Variants in ADAMTSL1 observed in about 807,000 individuals in gnomAD.
The protein encoded by ADAMTSL1 is ADAMTS like 1, also known as ADAMTS-like protein 1.
ADAMTSL1 carries 126 observed loss-of-function variants against 201.8 expected under a neutral mutation model. That is an observed-to-expected ratio of 0.62 (90% CI 0.54 to 0.72). The LOEUF is 0.72. Among genes scored for constraint, ADAMTSL1 ranks in the 30% least tolerant of loss-of-function variants. The pLI is 0.00. For synonymous variants in ADAMTSL1, 1,121 were observed against 903.4 expected (o/e 1.24, Z -4.32); for missense variants, 2,679 against 2,277.8 (o/e 1.18, Z -3.59).
At chr9:18,489,067 C>T (rs570624982) in intron 1 of ADAMTSL1, among the ~76,000 whole-genome samples, 2 of 151,870 alleles carry the variant, frequency 1.3e-5, no homozygotes, top group South Asian at 2.1e-4. Context: ...CAGCCTCCAT[C>T]CCCGCAAGAG....
intron 8 of ADAMTSL1, among the ~76,000 whole-genome samples, chr9:18,659,658 T>C (rs539161555): frequency 6.6e-6 from 1 of 152,206 alleles, no homozygotes; most frequent in Non-Finnish European, 1.5e-5. Context: ...TCCCAGCTAC[T>C]TGGGAGGCTG....
chr9:18,586,559 C>T (rs1823502314), intron 4 of ADAMTSL1, among the ~76,000 whole-genome samples: 1 of 152,070 alleles, frequency 6.6e-6, no homozygotes, highest in South Asian at 2.1e-4. Flanking sequence ...TATCAAACTA[C>T]CAATGACATT....
intron 1 of ADAMTSL1, among the ~76,000 whole-genome samples, chr9:18,144,425 C>T (rs901275472): frequency 2.6e-5 from 4 of 152,032 alleles, no homozygotes; most frequent in Non-Finnish European, 4.4e-5. Flanking sequence ...AGGCTGGTCT[C>T]GAGCTCCTGA....
intron 4 of ADAMTSL1, among the ~76,000 whole-genome samples, chr9:18,612,781 T>G (rs1587706841): frequency 6.6e-6 from 1 of 152,292 alleles, no homozygotes; most frequent in East Asian, 1.9e-4. Context: ...GAAGACAATG[T>G]AGGCAATACC....
At chr9:18,369,750 G>C (rs1301087759) in intron 2 of ADAMTSL1, among the ~76,000 whole-genome samples, 1 of 152,106 alleles carries the variant, frequency 6.6e-6, no homozygotes, top group Non-Finnish European at 1.5e-5. Context: ...ATCAACCTAA[G>C]TGTCCATCAA....
At chr9:18,663,747 C>T (rs1421661595) in intron 9 of ADAMTSL1, among the ~76,000 whole-genome samples, 4 of 151,950 alleles carry the variant, frequency 2.6e-5, no homozygotes, top group Non-Finnish European at 5.9e-5. Flanking sequence ...CAAGAGATGG[C>T]CATGGAAGAG....
intron 2 of ADAMTSL1, among the ~76,000 whole-genome samples, chr9:18,436,499 G>A (rs140149701): frequency 5.8e-4 from 89 of 152,152 alleles, no homozygotes; most frequent in African/African-American, 2.0e-3. Flanking sequence ...CTTGCACCAC[G>A]TTGGCTCCCT....
At chr9:18,427,547 AT>A (rs945277704) in intron 2 of ADAMTSL1, among the ~76,000 whole-genome samples, 2 of 152,324 alleles carry the variant, frequency 1.3e-5, no homozygotes, top group African/African-American at 4.8e-5. Flanking sequence ...AGTTTTAATC[AT>A]TTTCTGCAAC....
intron 3 of ADAMTSL1, among the ~76,000 whole-genome samples, chr9:18,554,509 C>G (rs1820990158): frequency 6.6e-6 from 1 of 151,788 alleles, no homozygotes; most frequent in South Asian, 2.1e-4. Flanking sequence ...TCCAAGACCA[C>G]TTTACATTCC....
chr9:17,945,359 CT>C (rs1827416201), intron 1 of ADAMTSL1, among the ~76,000 whole-genome samples: 1 of 97,836 alleles, frequency 1.0e-5, no homozygotes, highest in South Asian at 4.4e-4. Flanking sequence ...AACTTTTACA[CT>C]GTTGGTGGGA....
chr9:18,014,771 T>A (rs1198457100), intron 1 of ADAMTSL1, among the ~76,000 whole-genome samples: 3 of 152,146 alleles, frequency 2.0e-5, no homozygotes, highest in Non-Finnish European at 2.9e-5. Flanking sequence ...GTCTGAATCA[T>A]CCAGAGTGGT....
rs1297655647 is a variant in ADAMTSL1, at chr9:18,648,165, C to A, written c.834+8754C>A. 2.2e-3 allele frequency among the ~76,000 whole-genome samples: 312 copies of A among 140,470 alleles called. 1 individual carries two copies. Among genetic ancestry groups the A allele is most frequent in the African/African-American group, 7.8e-3 (300 of 38,520 alleles). 92.2% of individuals were successfully genotyped at this position (140,470 alleles called of 152,430 possible). On this transcript the variant is annotated intron_variant, in intron 7 of 28. Transcript: ENST00000380548. Reference sequence around the variant, plus strand: ...AATGGCCTTCTTTGTCTCTTTTGATCTTTGTTGGTTTAAAGTCTGTTTTGT... The same window carrying A: ...AATGGCCTTCTTTGTCTCTTTTGATATTTGTTGGTTTAAAGTCTGTTTTGT...
intron 1 of ADAMTSL1, among the ~76,000 whole-genome samples, chr9:18,061,401 C>T (rs548967558): frequency 6.6e-6 from 1 of 152,260 alleles, no homozygotes; most frequent in South Asian, 2.1e-4. Context: ...CCATAGTAGC[C>T]TCAGTTTACT....
intron 4 of ADAMTSL1, among the ~76,000 whole-genome samples, chr9:18,590,598 G>A (rs1035906539): frequency 4.6e-5 from 7 of 151,696 alleles, no homozygotes; most frequent in African/African-American, 4.8e-5. Flanking sequence ...TCCTTGAGAT[G>A]CATCATTAGG....
intron 23 of ADAMTSL1, among the ~76,000 whole-genome samples, chr9:18,868,207 A>C (rs1408945397): frequency 6.6e-6 from 1 of 152,194 alleles, no homozygotes; most frequent in African/African-American, 2.4e-5. Context: ...CTCAGTATGC[A>C]CACATTTTTC....
At chr9:18,206,381 G>A in intron 2 of ADAMTSL1, among the ~76,000 whole-genome samples, 1 of 152,058 alleles carries the variant, frequency 6.6e-6, no homozygotes, top group Non-Finnish European at 1.5e-5. Context: ...GCTGCTCCCA[G>A]GTCCTGCGTT....
chr9:18,843,595 G>C lies in ADAMTSL1; in HGVS notation c.4249+13618G>C, dbSNP rs535152465. The stretch of plus-strand genomic sequence containing the variant: ...GAATGTTGCCCTGCCTTGCTGGATT[G>C]GGGAAGTTCTCCTGGATAATATCCT... On this transcript the variant is annotated intron_variant, in intron 23 of 28. Coordinates refer to ENST00000380548, the MANE Select transcript of ADAMTSL1 (RefSeq NM_001040272.6). Among the ~76,000 whole-genome samples the C allele has an allele frequency of 1.2e-4, 18 of 150,700 alleles. 2 individuals carry two copies. Among genetic ancestry groups the C allele is most frequent in the Middle Eastern group, 3.4e-3 (1 of 292 alleles).
At chr9:18,565,126 G>A (rs1269412901) in intron 3 of ADAMTSL1, among the ~76,000 whole-genome samples, 6 of 152,166 alleles carry the variant, frequency 3.9e-5, no homozygotes, top group Non-Finnish European at 7.4e-5. Flanking sequence ...AATAGAGCAA[G>A]GAAGGTGGGA....
chr9:17,927,823 C>T (rs775924906), intron 1 of ADAMTSL1, among the ~76,000 whole-genome samples: 3 of 151,936 alleles, frequency 2.0e-5, no homozygotes, highest in Non-Finnish European at 4.4e-5. Flanking sequence ...TGGAGTGAAT[C>T]CCCCATGGAT....
Sources: allele counts gnomAD v4.1 joint callset (sites outside exome capture counted in the v4.1 genomes callset), GRCh38; gene constraint gnomAD v4.1.1; transcripts MANE v1.5; gene names NCBI Gene and HGNC (gene_info 2026-07-23, HGNC 2026-07-21).